DOP1A: variants seen among roughly 807,000 people sequenced by gnomAD.
DOP1A encodes protein DOP1A.
DOP1A carries 90 observed loss-of-function variants against 267.6 expected under a neutral mutation model. The ratio of observed to expected loss-of-function variants is 0.34; its 90% CI spans 0.28 to 0.40. The LOEUF is 0.40. Ranked by LOEUF, DOP1A falls within the 10% of genes least tolerant of loss-of-function variation. The pLI is 1.00. For missense variants in DOP1A, 2,437 were observed against 2,900.4 expected, an observed-to-expected ratio of 0.84 and a Z score of 3.67; for synonymous variants, 932 against 999.1, an observed-to-expected ratio of 0.93 and a Z score of 1.27.
chr6:83,153,434 A>T, intron 30 of DOP1A, 77 bp from the exon 31 acceptor site: 1 of 892,220 alleles, frequency 1.1e-6, no homozygotes, highest in African/African-American at 1.7e-5. Flanking sequence ...AGGTTTTCTA[A>T]CAAACTGAAA....
chr6:83,141,404 T>C (rs1485841963), intron 23 of DOP1A, among the ~76,000 whole-genome samples: 2 of 152,190 alleles, frequency 1.3e-5, no homozygotes, highest in African/African-American at 4.8e-5. Context: ...GTCAAATTGA[T>C]ATCCTTCAAT....
chr6:83,079,068 T>C (rs1767625554), intron 1 of DOP1A, among the ~76,000 whole-genome samples: 1 of 152,206 alleles, frequency 6.6e-6, no homozygotes, highest in South Asian at 2.1e-4. Flanking sequence ...GTTTACTTTG[T>C]CCATCAAGGG....
intron 11 of DOP1A, 134 bp downstream of exon 11, chr6:83,122,184 T>C (rs1036856104): frequency 1.2e-5 from 11 of 942,892 alleles, no homozygotes; most frequent in Non-Finnish European, 1.7e-5. Flanking sequence ...TTAATACTAG[T>C]AAAGCTGATT....
At chr6:83,085,393 A>C (rs1768942833) in intron 1 of DOP1A, among the ~76,000 whole-genome samples, 1 of 152,206 alleles carries the variant, frequency 6.6e-6, no homozygotes, top group Admixed American at 6.5e-5. Context: ...AAGTGTAACA[A>C]ATGCTAATAA....
At chr6:83,139,208 A>AT in intron 21 of DOP1A, 46 bp downstream of exon 21, 1 of 1,402,640 alleles carries the variant, frequency 7.1e-7, no homozygotes, top group Non-Finnish European at 9.9e-7. Flanking sequence ...TTTTTCACAT[A>AT]TATGACTGCT....
rs749839393 is a variant in DOP1A, at chr6:83,138,884, A to G, written c.4842A>G (p.Leu1614=). The change falls in exon 21 of 39, where the codon TTA becomes TTG. Residue 1614 remains leucine (L), a synonymous_variant. Coordinates refer to ENST00000349129, the MANE Select transcript of DOP1A (RefSeq NM_015018.4). ...ETGFDFVVSD[L]EHISPHQPMT... ...GTTTTGATTTTGTTGTATCTGACTT[A>G]GAACACATCAGTCCCCATCAACCCA... 6.2e-7 allele frequency: 1 copy of G among 1,614,072 alleles called. No individual in the cohort carries two copies. The highest frequency in any genetic ancestry group is 8.5e-7 in the Non-Finnish European group (1 of 1,179,956).
In DOP1A at chr6:83,119,947, C is replaced by T. The variant is rs149487921; in HGVS notation, c.990+90C>T. The T allele has an allele frequency of 2.4e-3, 2,509 of 1,032,792 alleles. 57 individuals carry two copies. In the African/African-American group the frequency reaches 0.036, roughly 15 times the overall value. The allele number at this position is 1,032,792 out of a possible 1,614,324, so 64.0% of individuals were successfully genotyped here. On this transcript the variant is annotated intron_variant, in intron 9 of 38. Coordinates refer to ENST00000349129, the MANE Select transcript of DOP1A (RefSeq NM_015018.4). ...GACGAGGTCTTGCCTTAATTGAATT[C>T]ACAGTTGAAGGGGTGGAGACAAGAC...
chr6:83,094,526 T>G (rs1161153653), intron 1 of DOP1A, among the ~76,000 whole-genome samples: 1 of 152,238 alleles, frequency 6.6e-6, no homozygotes, highest in Non-Finnish European at 1.5e-5. Context: ...TCCAGCAGTG[T>G]ATGAGGGTTC....
chr6:83,113,558 C>A, intron 7 of DOP1A, 137 bp downstream of exon 7: 1 of 616,530 alleles, frequency 1.6e-6, no homozygotes, highest in Non-Finnish European at 2.7e-6. Flanking sequence ...TAAGTTCCTT[C>A]TTAAGGAGTG....
chr6:83,166,005 CT>C (rs1785422628), intron 38 of DOP1A: 2 of 304,616 alleles, frequency 6.6e-6, no homozygotes, highest in African/African-American at 4.3e-5. Context: ...TGCTTTGGAG[CT>C]TCTTTCAGTC....
chr6:83,160,090 C>T, intron 37 of DOP1A, 130 bp downstream of exon 37: 5 of 878,538 alleles, frequency 5.7e-6, no homozygotes, highest in Non-Finnish European at 8.6e-6. Context: ...AAATGTAATT[C>T]TTTTGGCACA....
intron 7 of DOP1A, among the ~76,000 whole-genome samples, chr6:83,114,708 A>G (rs961159466): frequency 3.9e-5 from 6 of 152,174 alleles, no homozygotes; most frequent in Non-Finnish European, 8.8e-5. Context: ...TTAATATATC[A>G]GCGTTTCCTA....
chr6:83,118,561 T>C, intron 7 of DOP1A, among the ~76,000 whole-genome samples: 1 of 152,200 alleles, frequency 6.6e-6, no homozygotes, highest in East Asian at 1.9e-4. Flanking sequence ...ACTAATGGCA[T>C]ATCATTTTCT....
At chr6:83,123,040 T>C in intron 12 of DOP1A, 58 bp downstream of exon 12, 1 of 1,523,660 alleles carries the variant, frequency 6.6e-7, no homozygotes, top group Non-Finnish European at 8.8e-7. Context: ...CCTTTGGGTT[T>C]TTTTTAAGTT....
Position 83,147,246 on chromosome 6 carries a change from C to A in DOP1A, c.5687C>A (p.Ser1896Tyr). ...PAIAKDKKHL[S>Y]LEVCMLQFFY... The stretch of plus-strand genomic sequence containing the variant: ...TTCTTTTATTTATAGAAACATCTTT[C>A]TTTGGAAGTCTGCATGCTTCAGTTT... Residue 1896 changes from serine to tyrosine, a missense_variant, in exon 26 of 39, where the codon TCT becomes TAT. Ser to Tyr is a moderately radical substitution (Grantham distance 144). Transcript: ENST00000349129. 6.8e-7 allele frequency: 1 copy of A among 1,472,904 alleles called. No homozygotes were observed. Among genetic ancestry groups the A allele is most frequent in the East Asian group, 2.3e-5 (1 of 42,934 alleles). 91.2% of individuals were successfully genotyped at this position (1,472,904 alleles called of 1,614,324 possible). A position where few individuals can be genotyped will look rare whatever the true frequency, so the allele number is the denominator to read the frequency against.
intron 12 of DOP1A, among the ~76,000 whole-genome samples, chr6:83,124,062 A>G (rs1292254637): frequency 1.1e-4 from 16 of 152,006 alleles, no homozygotes; most frequent in Non-Finnish European, 2.2e-4. Context: ...ATCAGAATCA[A>G]TGCCTCCACA....
At chr6:83,117,392 C>T (rs1775634926) in intron 7 of DOP1A, among the ~76,000 whole-genome samples, 1 of 151,976 alleles carries the variant, frequency 6.6e-6, no homozygotes, top group African/African-American at 2.4e-5. Flanking sequence ...CCTTGTGATC[C>T]GCCTGCCTTG....
chr6:83,166,294 T>C (rs780567358), intron 38 of DOP1A: 67 of 607,510 alleles, frequency 1.1e-4, no homozygotes, highest in Non-Finnish European at 1.9e-4. Context: ...GCTTCGATGA[T>C]GTTCTCAATT....
intron 1 of DOP1A, among the ~76,000 whole-genome samples, chr6:83,092,258 AT>A (rs1489808255): frequency 8.7e-6 from 1 of 115,294 alleles, no homozygotes; most frequent in East Asian, 2.6e-4. Context: ...AGTCTTTATT[AT>A]GTTTAAACAC....
Sources: allele counts gnomAD v4.1 joint callset (sites outside exome capture counted in the v4.1 genomes callset), GRCh38; gene constraint gnomAD v4.1.1; transcripts MANE v1.5; gene names NCBI Gene and HGNC (gene_info 2026-07-23, HGNC 2026-07-21).